The following RORA variants were observed in gnomAD, a reference collection of about 807,000 sequenced individuals.
RORA encodes the protein RAR related orphan receptor A.
RORA carries 7 observed loss-of-function variants against 69.5 expected under a neutral mutation model. The observed-to-expected ratio is 0.10, with a 90% CI of 0.06 to 0.19. The LOEUF (loss-of-function observed/expected upper bound fraction) is 0.19. Among genes scored for constraint, RORA ranks in the 10% least tolerant of loss-of-function variants. The pLI is 1.00. For missense variants in RORA, 457 were observed against 663.0 expected (o/e 0.69, Z 3.41); for synonymous variants, 261 against 240.8 (o/e 1.08, Z -0.78).
At chr15:60,978,961 C>CTTGTTTTTTTT (rs1893952024) in intron 1 of RORA, among the ~76,000 whole-genome samples, 1 of 95,138 alleles carries the variant, frequency 1.1e-5, no homozygotes. Context: ...CAACTTTGCT[C>CTTGTTTTTTTT]TTTTTTTTTT....
chr15:61,012,790 C>A (rs1419002897), intron 1 of RORA, among the ~76,000 whole-genome samples: 1 of 152,148 alleles, frequency 6.6e-6, no homozygotes, highest in South Asian at 2.1e-4. Context: ...TCTGGGATTA[C>A]AGGCACACAC....
intron 1 of RORA, among the ~76,000 whole-genome samples, chr15:61,119,159 C>T (rs1373060475): frequency 6.6e-6 from 1 of 151,602 alleles, no homozygotes; most frequent in Non-Finnish European, 1.5e-5. Flanking sequence ...GAGGGAGGAC[C>T]GCTTCCCAGA....
chr15:60,684,796 C>T (rs1433768824), intron 1 of RORA, among the ~76,000 whole-genome samples: 3 of 152,140 alleles, frequency 2.0e-5, no homozygotes, highest in Non-Finnish European at 2.9e-5. Flanking sequence ...CACATTGACT[C>T]CTCCTTTAAT....
intron 2 of RORA, among the ~76,000 whole-genome samples, chr15:60,652,148 C>T (rs1462452147): frequency 6.6e-6 from 1 of 150,948 alleles, no homozygotes; most frequent in East Asian, 1.9e-4. Context: ...GGTTGGGTGA[C>T]ATATGGAAAG....
At chr15:60,574,568 G>A (rs948329878) in intron 2 of RORA, among the ~76,000 whole-genome samples, 11 of 152,210 alleles carry the variant, frequency 7.2e-5, no homozygotes, top group African/African-American at 2.7e-4. Context: ...AATACGTGAT[G>A]TGTACCATTT....
At chr15:61,054,929 T>G (rs1393078368) in intron 1 of RORA, among the ~76,000 whole-genome samples, 2 of 151,470 alleles carry the variant, frequency 1.3e-5, no homozygotes, top group Admixed American at 6.6e-5. Context: ...TTCCACCTCC[T>G]GAGCTCAATC....
intron 1 of RORA, among the ~76,000 whole-genome samples, chr15:61,094,188 A>T (rs966095244): frequency 6.6e-6 from 1 of 152,216 alleles, no homozygotes; most frequent in Non-Finnish European, 1.5e-5. Context: ...CCTTTATGTG[A>T]GTGAACAAAA....
intron 2 of RORA, among the ~76,000 whole-genome samples, chr15:60,661,263 G>T (rs1321037495): frequency 6.6e-6 from 1 of 152,160 alleles, no homozygotes; most frequent in African/African-American, 2.4e-5. Flanking sequence ...AATCGGATGT[G>T]CTGGGCCAGG....
chr15:60,931,002 T>G (rs897896214), intron 1 of RORA, among the ~76,000 whole-genome samples: 2 of 152,214 alleles, frequency 1.3e-5, no homozygotes, highest in African/African-American at 4.8e-5. Flanking sequence ...AGGTGTTCCC[T>G]TTCTACAGTG....
chr15:60,819,157 TG>T (rs1015443708), intron 1 of RORA, among the ~76,000 whole-genome samples: 1 of 152,252 alleles, frequency 6.6e-6, no homozygotes, highest in African/African-American at 2.4e-5. Flanking sequence ...GTCTTGTCTT[TG>T]ATTTATGCTA....
intron 1 of RORA, among the ~76,000 whole-genome samples, chr15:60,776,005 A>ACTGTGTGTGAACTAGTTCAAC (rs1168617071): frequency 1.2e-4 from 18 of 152,318 alleles, no homozygotes; most frequent in Admixed American, 4.6e-4. Context: ...GTCAGCAATA[A>ACTGTGTGTGAACTAGTTCAAC]CTGTGTGTGA....
At chr15:60,665,894 C>T (rs138041978) in intron 2 of RORA, among the ~76,000 whole-genome samples, 30 of 152,232 alleles carry the variant, frequency 2.0e-4, no homozygotes, top group Admixed American at 1.8e-3. Context: ...GGGCTGGTCT[C>T]GAACTCCTGA....
At chr15:60,516,559 G>A (rs1407560429) in intron 3 of RORA, among the ~76,000 whole-genome samples, 1 of 151,878 alleles carries the variant, frequency 6.6e-6, no homozygotes, top group African/African-American at 2.4e-5. Flanking sequence ...ACCCCAATGA[G>A]GGCGACACTA....
At position 61,182,261 on chromosome 15, in the gene RORA, G is replaced by T. The variant is rs1291123991; in HGVS notation, c.166+46792C>A. Among the ~76,000 whole-genome samples the T allele has an allele frequency of 2.0e-5, 3 of 152,200 alleles. 1 individual carries two copies. Among genetic ancestry groups the T allele is most frequent in the African/African-American group, 7.2e-5 (3 of 41,446 alleles). On this transcript the variant is annotated intron_variant, in intron 1 of 10. Transcript: ENST00000335670. ...GAAAACTGAAGCCCAGAGAACTCAA[G>T]TTCCTCGCCTGAGGTCACACAGCTC...
chr15:61,103,113 A>G (rs1009145714), intron 1 of RORA, among the ~76,000 whole-genome samples: 5 of 152,162 alleles, frequency 3.3e-5, no homozygotes, highest in African/African-American at 7.2e-5. Flanking sequence ...TTAGGTGGGT[A>G]ACTCAAGCGC....
At chr15:61,154,154 T>G (rs8034864) in intron 1 of RORA, among the ~76,000 whole-genome samples, 107,884 of 151,918 alleles carry the variant, frequency 0.71, 39,207 homozygotes, top group Non-Finnish European at 0.79. Context: ...CAAATCCACA[T>G]CTCATTTTGA....
intron 1 of RORA, among the ~76,000 whole-genome samples, chr15:60,742,402 C>A (rs1429255156): frequency 6.6e-6 from 1 of 152,152 alleles, no homozygotes; most frequent in Non-Finnish European, 1.5e-5. Context: ...CTATGGTGTA[C>A]AACATATTTT....
rs558335737 is a variant in RORA at position 60,694,367 on chromosome 15, G to A, written c.167-15681C>T. 2.6e-5 allele frequency among the ~76,000 whole-genome samples: 4 copies of A among 152,276 alleles called. No individual in the cohort carries two copies. The South Asian group carries it at 8.3e-4, about 32-fold the overall frequency. ...GTCAAAGGTACCCGGCAAAAAGCACGGAAGATGAGCATCTGAATTCTGGCT... is the reference window on the plus strand; with the variant it reads ...GTCAAAGGTACCCGGCAAAAAGCACAGAAGATGAGCATCTGAATTCTGGCT... On this transcript the variant is annotated intron_variant, in intron 1 of 10. Transcript: ENST00000335670.
intron 1 of RORA, among the ~76,000 whole-genome samples, chr15:60,878,238 GGAGGCT>G (rs773611423): frequency 2.6e-4 from 38 of 146,006 alleles, no homozygotes; most frequent in Non-Finnish European, 4.9e-4. Context: ...CAGCTACTCA[GGAGGCT>G]GAGGCAAGAG....
Sources: gnomAD v4.1 joint callset for allele counts (sites outside exome capture counted in the v4.1 genomes callset) on GRCh38, gnomAD v4.1.1 for gene constraint, MANE v1.5 for transcripts, NCBI Gene and HGNC (gene_info 2026-07-23, HGNC 2026-07-21) for gene names.